Variants in PARS2 observed in about 807,000 individuals in gnomAD.
The protein encoded by PARS2 is probable proline--tRNA ligase, mitochondrial.
In PARS2, 20 loss-of-function variants were observed where a neutral mutation model predicts 27.4. That is an observed-to-expected ratio of 0.73 (90% CI 0.51 to 1.06). The LOEUF (loss-of-function observed/expected upper bound fraction) is 1.06. Ranked by LOEUF, PARS2 falls within the 50% of genes least tolerant of loss-of-function variation. The pLI is 0.00. For synonymous variants in PARS2, 240 were observed against 247.1 expected, an observed-to-expected ratio of 0.97 and a Z score of 0.27; for missense variants, 585 against 602.1, an observed-to-expected ratio of 0.97 and a Z score of 0.30.
rs77044783 is a variant in PARS2 at position 54,760,008 on chromosome 1, A to T, written c.-29-818T>A. Among the ~76,000 whole-genome samples, 998 of 144,838 alleles carry T rather than the reference A, an allele frequency of 6.9e-3. 7 individuals carry two copies. The highest frequency in any genetic ancestry group is 0.025 in the African/African-American group (944 of 37,982). On this transcript the variant is annotated intron_variant, in intron 1 of 1. Coordinates refer to ENST00000371279, the MANE Select transcript of PARS2 (RefSeq NM_152268.4). ...AACACAGTGAGACTCTGTCTCAAAG[A>T]AAAAAAAAAAGGAAAAGAAAATCAA...
chr1:54,758,527 A>G lies in PARS2; in HGVS notation c.635T>C (p.Phe212Ser), dbSNP rs377289123. 1.9e-6 allele frequency: 3 copies of G among 1,614,078 alleles called. No homozygotes were observed. Among genetic ancestry groups the G allele is most frequent in the African/African-American group, 2.7e-5 (2 of 74,906 alleles). ...REFYMKDMYT[F>S]DSSPEAAQQT... Reference sequence around the variant, plus strand: ...CTGGGCAGCCTCTGGGGAGGAGTCAAAGGTGTACATATCCTTCATGTAAAA... The same window carrying G: ...CTGGGCAGCCTCTGGGGAGGAGTCAGAGGTGTACATATCCTTCATGTAAAA... Residue 212 changes from phenylalanine to serine, a missense_variant, in exon 2 of 2, where the codon TTT (phenylalanine) becomes TCT (serine). Transcript: ENST00000371279.
intron 1 of PARS2, among the ~76,000 whole-genome samples, chr1:54,763,786 G>C (rs1646169983): frequency 6.6e-6 from 1 of 152,170 alleles, no homozygotes; most frequent in Non-Finnish European, 1.5e-5. Flanking sequence ...CCTTTTTAAA[G>C]ATTCTTTGAC....
chr1:54,761,510 A>G (rs1379500168), intron 1 of PARS2, among the ~76,000 whole-genome samples: 4 of 152,250 alleles, frequency 2.6e-5, no homozygotes, highest in Non-Finnish European at 1.5e-5. Context: ...CAATGAAGAG[A>G]AGGCTTTTTT....
Position 54,757,587 on chromosome 1 carries a change from G to C in PARS2, c.*147C>G. On this transcript the variant is annotated 3_prime_UTR_variant, in exon 2 of 2. Transcript: ENST00000371279. ...TACAAATAATCTGAACAAATGACTAGATAAAAATTGATTTCCCTAACATGA... is the reference window on the plus strand; with the variant it reads ...TACAAATAATCTGAACAAATGACTACATAAAAATTGATTTCCCTAACATGA... 3.4e-6 allele frequency: 2 copies of C among 589,510 alleles called. No homozygotes were observed. Among genetic ancestry groups the C allele is most frequent in the Non-Finnish European group, 6.0e-6 (2 of 333,886 alleles). The allele number at this position is 589,510 out of a possible 1,614,324, so 36.5% of individuals were successfully genotyped here. A position where few individuals can be genotyped will look rare whatever the true frequency, so the allele number is the denominator to read the frequency against.
In PARS2 at chr1:54,758,907, G is replaced by A. The variant is rs145866387; in HGVS notation, c.255C>T (p.Pro85=). 124 of 1,614,204 alleles carry A rather than the reference G, an allele frequency of 7.7e-5. No individual in the cohort carries two copies. The African/African-American group carries it at 9.7e-4, about 13-fold the overall frequency. ...LQVGLIYPAS[P]GCYHLLPYTV... ...TATATGGCAGGAGGTGGTAACAGCC[G>A]GGGCTTGCTGGGTAGATCAGGCCCA... The change falls in exon 2 of 2, where the codon CCC becomes CCT. Residue 85 remains proline, a synonymous_variant. Transcript: ENST00000371279.
rs560911977 is a variant in PARS2, at chr1:54,763,470, CTAT to C, written c.-30+988_-30+990del. 2.6e-5 allele frequency among the ~76,000 whole-genome samples: 4 copies of C among 152,216 alleles called. No individual in the cohort carries two copies. In the East Asian group the frequency reaches 7.7e-4, roughly 29 times the overall value. On this transcript the variant is annotated intron_variant, in intron 1 of 1. Coordinates refer to ENST00000371279, the MANE Select transcript of PARS2 (RefSeq NM_152268.4). ...TCTCGCATAATGCCTACTATTTAGG[CTAT>C]TATTATCTGTTGATCAAATATGTTA...
intron 1 of PARS2, among the ~76,000 whole-genome samples, chr1:54,760,947 T>G (rs1646152688): frequency 1.3e-5 from 2 of 152,156 alleles, no homozygotes; most frequent in South Asian, 4.1e-4. Flanking sequence ...CCCGCTAATT[T>G]TTTTGTATCT....
chr1:54,764,038 A>C (rs1355991704), intron 1 of PARS2, among the ~76,000 whole-genome samples: 1 of 152,226 alleles, frequency 6.6e-6, no homozygotes, highest in East Asian at 1.9e-4. Context: ...GAACTGTGCT[A>C]CATTAAACAG....
At position 54,758,022 on chromosome 1, in the gene PARS2, GC is replaced by G; in HGVS notation, c.1139del (p.Gly380AlafsTer11). ...YQACLIPPKK[G>X]SKEQAASELI... ...GCTCGGAGGCCGCCTGCTCCTTACT[GC>G]CCTTCTTAGGGGGGATGAGGCAGGC... On this transcript the variant is annotated frameshift_variant, in exon 2 of 2. Coordinates refer to ENST00000371279, the MANE Select transcript of PARS2 (RefSeq NM_152268.4). LOFTEE classifies it high-confidence loss of function. The G allele has an allele frequency of 6.2e-7, 1 of 1,614,114 alleles. No homozygotes were observed. Among genetic ancestry groups the G allele is most frequent in the Non-Finnish European group, 8.5e-7 (1 of 1,180,022 alleles).
In PARS2 at chr1:54,758,850, C is replaced by T; in HGVS notation, c.312G>A (p.Val104=). The T allele has an allele frequency of 6.2e-7, 1 of 1,614,214 alleles. No individual in the cohort carries two copies. The highest frequency in any genetic ancestry group is 8.5e-7 in the Non-Finnish European group (1 of 1,180,046). ...TVRAMEKLVR[V]IDQEMQAIGG... Reference sequence around the variant, plus strand: ...CGATGGCCTGCATCTCCTGGTCTATCACTCGCACGAGCTTCTCCATGGCAC... The same window carrying T: ...CGATGGCCTGCATCTCCTGGTCTATTACTCGCACGAGCTTCTCCATGGCAC... The change falls in exon 2 of 2, where the codon GTG becomes GTA. Residue 104 remains valine (V), a synonymous_variant. Coordinates refer to ENST00000371279, the MANE Select transcript of PARS2 (RefSeq NM_152268.4).
In PARS2 at chr1:54,758,796, G is replaced by A. The variant is rs369889041; in HGVS notation, c.366C>T (p.Leu122=). The part of the protein sequence containing the change: ...IGGQKVNMPS[L]SPAELWQATN... ...TGGCTTGCCAGAGCTCTGCCGGGCTGAGGCTGGGCATGTTGACTTTCTGGC... is the reference window on the plus strand; with the variant it reads ...TGGCTTGCCAGAGCTCTGCCGGGCTAAGGCTGGGCATGTTGACTTTCTGGC... Residue 122 remains leucine, a synonymous_variant, in exon 2 of 2, where the codon CTC becomes CTT. Transcript: ENST00000371279. 8.7e-5 allele frequency: 141 copies of A among 1,614,094 alleles called. No homozygotes were observed. The highest frequency in any genetic ancestry group is 1.1e-4 in the Non-Finnish European group (135 of 1,180,056).
intron 1 of PARS2, among the ~76,000 whole-genome samples, chr1:54,763,732 G>C (rs1646169551): frequency 6.6e-6 from 1 of 152,110 alleles, no homozygotes; most frequent in African/African-American, 2.4e-5. Context: ...CGATTTTTTT[G>C]AGTACCTACT....
chr1:54,764,069 T>C (rs957100851), intron 1 of PARS2, among the ~76,000 whole-genome samples: 1 of 152,208 alleles, frequency 6.6e-6, no homozygotes, highest in Non-Finnish European at 1.5e-5. Context: ...CTAGGCCTAG[T>C]TCTAAGAACA....
chr1:54,758,139 GCCATAGCACC>G lies in PARS2; in HGVS notation c.1013_1022del (p.Gly338AlafsTer4). The G allele has an allele frequency of 6.2e-7, 1 of 1,614,206 alleles. No homozygotes were observed. Among genetic ancestry groups the G allele is most frequent in the Non-Finnish European group, 8.5e-7 (1 of 1,180,050 alleles). ...CAGCCAAGATCCGTGTCACACCCAA[GCCATAGCACC>G]CCATTTCAGCCAGGGTTGGTTTGCC... On this transcript the variant is annotated frameshift_variant, in exon 2 of 2. Coordinates refer to ENST00000371279, the MANE Select transcript of PARS2 (RefSeq NM_152268.4). LOFTEE classifies it high-confidence loss of function.
At chr1:54,764,117 CACTT>C (rs1236891645) in intron 1 of PARS2, among the ~76,000 whole-genome samples, 1 of 152,216 alleles carries the variant, frequency 6.6e-6, no homozygotes, top group African/African-American at 2.4e-5. Flanking sequence ...CTGGACCACT[CACTT>C]CGCCCCGGAC....
Position 54,758,922 on chromosome 1 carries a change from G to C in PARS2, c.240C>G (p.Ile80Met), listed in dbSNP as rs1361705614. ...GGTAACAGCCGGGGCTTGCTGGGTA[G>C]ATCAGGCCCACCTGCAGCATCAGCC... ...SQRLMLQVGL[I>M]YPASPGCYHL... Residue 80 changes from isoleucine (I) to methionine (M), a missense_variant, in exon 2 of 2, where the codon ATC becomes ATG. Coordinates refer to ENST00000371279, the MANE Select transcript of PARS2 (RefSeq NM_152268.4). 1 of 1,614,074 alleles carries C rather than the reference G, an allele frequency of 6.2e-7. No homozygotes were observed. Among genetic ancestry groups the C allele is most frequent in the Non-Finnish European group, 8.5e-7 (1 of 1,180,018 alleles).
Position 54,758,345 on chromosome 1 carries a change from A to G in PARS2, c.817T>C (p.Cys273Arg), listed in dbSNP as rs1302014120. The G allele has an allele frequency of 1.2e-6, 2 of 1,614,230 alleles. No individual in the cohort carries two copies. Among genetic ancestry groups the G allele is most frequent in the South Asian group, 2.2e-5 (2 of 91,090 alleles). Residue 273 changes from cysteine to arginine, a missense_variant, in exon 2 of 2, where the codon TGT becomes CGT. Physicochemically the swap from Cys to Arg is radical, Grantham distance 180. Coordinates refer to ENST00000371279, the MANE Select transcript of PARS2 (RefSeq NM_152268.4). Reference sequence around the variant, plus strand: ...TTGGCTGAGAAGCTGCAGCGGGGACAGATGGCAAGCCGGTCCTCTCCAATA... The same window carrying G: ...TTGGCTGAGAAGCTGCAGCGGGGACGGATGGCAAGCCGGTCCTCTCCAATA... ...VDIGEDRLAICPRCSFSANME... is the reference protein window; with the variant it reads ...VDIGEDRLAIRPRCSFSANME...
At chr1:54,759,440 G>A (rs1251791840) in intron 1 of PARS2, among the ~76,000 whole-genome samples, 1 of 152,222 alleles carries the variant, frequency 6.6e-6, no homozygotes, top group Non-Finnish European at 1.5e-5. Context: ...GCGTCATGTA[G>A]TGAGTGCACA....
intron 1 of PARS2, 88 bp from the exon 2 acceptor site, chr1:54,759,278 C>G (rs908703985): frequency 1.4e-6 from 1 of 709,002 alleles, no homozygotes; most frequent in Non-Finnish European, 2.3e-6. Context: ...CAACAAACTT[C>G]GAAGGCAGCC....
Sources: gnomAD v4.1 joint callset for allele counts (sites outside exome capture counted in the v4.1 genomes callset) on GRCh38, gnomAD v4.1.1 for gene constraint, MANE v1.5 for transcripts, NCBI Gene and HGNC (gene_info 2026-07-23, HGNC 2026-07-21) for gene names.